Variants in MAPK6 observed in about 807,000 individuals in gnomAD.
The protein encoded by MAPK6 is mitogen-activated protein kinase 6.
MAPK6 carries 19 observed loss-of-function variants against 59.3 expected under a neutral mutation model. That is an observed-to-expected ratio of 0.32 (90% CI 0.22 to 0.47). The LOEUF (loss-of-function observed/expected upper bound fraction) is 0.47. Ranked by LOEUF, MAPK6 falls within the 20% of genes least tolerant of loss-of-function variation. The pLI is 1.00. For synonymous variants in MAPK6, 316 were observed against 290.3 expected (o/e 1.09, Z -0.90); for missense variants, 724 against 847.9 (o/e 0.85, Z 1.81).
rs568843424 is a variant in MAPK6 at position 52,065,067 on chromosome 15, G to A, written c.*67G>A. 1.5e-4 allele frequency: 209 copies of A among 1,410,540 alleles called. No individual in the cohort carries two copies. The African/African-American group carries it at 2.5e-3, about 17-fold the overall frequency. 87.4% of individuals were successfully genotyped at this position (1,410,540 alleles called of 1,614,324 possible). ...TGTTTTGTCTTTTTTTATTACTAGT[G>A]TTTAAGTCATTTTTTACTTGAATCA... On this transcript the variant is annotated 3_prime_UTR_variant, in exon 6 of 6. Transcript: ENST00000261845.
intron 2 of MAPK6, among the ~76,000 whole-genome samples, chr15:52,002,055 G>A (rs2057243564): frequency 1.3e-5 from 2 of 152,092 alleles, no homozygotes; most frequent in African/African-American, 4.8e-5. Context: ...CCCACCTTAG[G>A]TCACGAAAGT....
intron 1 of MAPK6, among the ~76,000 whole-genome samples, chr15:52,020,278 A>G (rs1478123556): frequency 1.3e-5 from 2 of 152,110 alleles, no homozygotes; most frequent in Non-Finnish European, 2.9e-5. Flanking sequence ...CAACCGGTTT[A>G]GGTGTTAGGG....
rs1027200040 is a variant in MAPK6, at chr15:52,066,340, T to C, written c.*1340T>C. 1 of 152,226 alleles carries C rather than the reference T, an allele frequency of 6.6e-6. No homozygotes were observed. Among genetic ancestry groups the C allele is most frequent in the Non-Finnish European group, 1.5e-5 (1 of 68,030 alleles). 9.4% of individuals were successfully genotyped at this position (152,226 alleles called of 1,614,324 possible). ...TTACTACCAGAATCACTTTGAATTA[T>C]GGCCATAAATTGCTAGTCTGAAAGG... On this transcript the variant is annotated 3_prime_UTR_variant, in exon 6 of 6. Coordinates refer to ENST00000261845, the MANE Select transcript of MAPK6 (RefSeq NM_002748.4).
At chr15:51,991,668 G>T (rs994810333) in intron 2 of MAPK6, among the ~76,000 whole-genome samples, 1 of 152,200 alleles carries the variant, frequency 6.6e-6, no homozygotes. Flanking sequence ...TACATACACA[G>T]TTCTCTGAGG....
intron 1 of MAPK6, among the ~76,000 whole-genome samples, chr15:52,043,015 TTGGGGGGC>T (rs2031475956): frequency 6.6e-6 from 1 of 152,030 alleles, no homozygotes; most frequent in South Asian, 2.1e-4. Flanking sequence ...TCCCAGCTAC[TTGGGGGGC>T]TGAGGGGCTG....
In MAPK6 at chr15:52,062,317, G is replaced by A. The variant is rs549697259; in HGVS notation, c.1067+817G>A. Among the ~76,000 whole-genome samples the A allele has an allele frequency of 1.3e-3, 205 of 151,894 alleles. 2 individuals carry two copies. Among genetic ancestry groups the A allele is most frequent in the African/African-American group, 4.6e-3 (191 of 41,432 alleles). On this transcript the variant is annotated intron_variant, in intron 5 of 5. Transcript: ENST00000261845. ...GCTGAAATTATAGGCGTGAACCACC[G>A]TACTCAGCCAGTATTTGAATCTGTT... is the stretch of plus-strand genomic sequence containing the variant.
intron 3 of MAPK6, among the ~76,000 whole-genome samples, chr15:52,011,773 G>A (rs751877757): frequency 9.2e-5 from 14 of 152,158 alleles, no homozygotes; most frequent in Non-Finnish European, 1.5e-4. Flanking sequence ...AACTGTACTT[G>A]GCAATGAATT....
chr15:51,977,360 G>A (rs765568867), intron 1 of MAPK6, among the ~76,000 whole-genome samples: 2 of 151,568 alleles, frequency 1.3e-5, no homozygotes, highest in Non-Finnish European at 2.9e-5. Flanking sequence ...AAAGAGTAAT[G>A]GTATCCGAAG....
chr15:52,062,491 G>A (rs1352534697), intron 5 of MAPK6, among the ~76,000 whole-genome samples: 2 of 152,118 alleles, frequency 1.3e-5, no homozygotes, highest in African/African-American at 2.4e-5. Flanking sequence ...TTGGCTGGGC[G>A]CGGTGGCTCA....
At chr15:52,059,804 A>T (rs2032126716) in intron 4 of MAPK6, among the ~76,000 whole-genome samples, 1 of 152,176 alleles carries the variant, frequency 6.6e-6, no homozygotes, top group Admixed American at 6.5e-5. Flanking sequence ...TGCAGAGTGG[A>T]TGGAGTTTCT....
At chr15:52,041,862 T>G (rs1189859837) in intron 1 of MAPK6, among the ~76,000 whole-genome samples, 2 of 152,210 alleles carry the variant, frequency 1.3e-5, no homozygotes, top group East Asian at 3.8e-4. Context: ...GTAGCATTCC[T>G]TGGTACCACT....
At chr15:51,985,524 G>A (rs928149396) in intron 2 of MAPK6, among the ~76,000 whole-genome samples, 3 of 150,412 alleles carry the variant, frequency 2.0e-5, no homozygotes, top group Non-Finnish European at 3.0e-5. Flanking sequence ...GTGTGGTGGC[G>A]CATGCTTGTA....
intron 1 of MAPK6, chr15:52,042,729 C>T (rs1280191735): frequency 6.6e-6 from 1 of 152,180 alleles, no homozygotes; most frequent in Non-Finnish European, 1.5e-5. Flanking sequence ...GGAGATCTTA[C>T]TGTTCTCATT....
intron 3 of MAPK6, among the ~76,000 whole-genome samples, chr15:52,006,865 G>A (rs1265291576): frequency 2.0e-5 from 3 of 152,148 alleles, no homozygotes; most frequent in Admixed American, 2.0e-4. Context: ...TCTAAGCTAG[G>A]AAGGTACAGA....
intron 1 of MAPK6, among the ~76,000 whole-genome samples, chr15:52,027,475 C>CCAAT (rs1467176607): frequency 2.6e-5 from 4 of 151,170 alleles, no homozygotes; most frequent in Non-Finnish European, 4.4e-5. Flanking sequence ...GCTTAAGATT[C>CCAAT]CAATCAGGCT....
intron 2 of MAPK6, among the ~76,000 whole-genome samples, chr15:51,987,928 G>A (rs1361368627): frequency 1.3e-5 from 2 of 151,894 alleles, no homozygotes; most frequent in African/African-American, 4.8e-5. Flanking sequence ...ACCACACCTG[G>A]CTAATTTTTG....
Position 51,981,909 on chromosome 15 carries a change from G to A in MAPK6, c.-879-1297G>A, listed in dbSNP as rs779841148. The stretch of plus-strand genomic sequence containing the variant: ...AAGTATAAGGAAGGAAAGAAAGGAC[G>A]GAAAAAAATAGATTAAGAATACAAA... On this transcript the variant is annotated intron_variant, in intron 1 of 7. Coordinates refer to the MAPK6 transcript ENST00000691380. Among the ~76,000 whole-genome samples, 23 of 151,594 alleles carry A rather than the reference G, an allele frequency of 1.5e-4. 1 individual carries two copies. The highest frequency in any genetic ancestry group is 1.0e-4 in the Non-Finnish European group (7 of 67,926).
chr15:51,979,282 AC>A lies in MAPK6; in HGVS notation c.-879-3923del, dbSNP rs2057166286. 1.3e-5 allele frequency among the ~76,000 whole-genome samples: 2 copies of A among 151,568 alleles called. 1 individual carries two copies. The highest frequency in any genetic ancestry group is 2.9e-5 in the Non-Finnish European group (2 of 67,858). Reference sequence around the variant, plus strand: ...GAAAGAAAGAAAGGGAGAAGGAAGAACAGAGAAGCTAAGAAACTTTGCCCTA... The same window carrying A: ...GAAAGAAAGAAAGGGAGAAGGAAGAAAGAGAAGCTAAGAAACTTTGCCCTA... On this transcript the variant is annotated intron_variant, in intron 1 of 7. Coordinates refer to the MAPK6 transcript ENST00000691380.
intron 1 of MAPK6, among the ~76,000 whole-genome samples, chr15:51,982,177 A>G (rs1438784048): frequency 6.6e-6 from 1 of 152,220 alleles, no homozygotes; most frequent in Non-Finnish European, 1.5e-5. Context: ...ACTTTACAGC[A>G]AAACTGCTCT....
Sources: gnomAD v4.1 joint callset for allele counts (sites outside exome capture counted in the v4.1 genomes callset) on GRCh38, gnomAD v4.1.1 for gene constraint, MANE v1.5 for transcripts, NCBI Gene and HGNC (gene_info 2026-07-23, HGNC 2026-07-21) for gene names.